PTCRA: variants seen among roughly 807,000 people sequenced by gnomAD.
PTCRA encodes pre T cell antigen receptor alpha, also known as pre T-cell antigen receptor alpha.
PTCRA carries 9 observed loss-of-function variants against 13.4 expected under a neutral mutation model. The ratio of observed to expected loss-of-function variants is 0.67; its 90% CI spans 0.41 to 1.18. PTCRA has a LOEUF of 1.18. PTCRA is among the 50% of genes most tolerant of loss of function. The probability of loss-of-function intolerance (pLI) is 0.01; values close to 1 mark genes in which losing one functional copy is unlikely to be tolerated. For missense variants in PTCRA, 353 were observed against 359.8 expected (o/e 0.98, Z 0.15); for synonymous variants, 153 against 161.9 (o/e 0.94, Z 0.42).
chr6:42,923,447 A>C (rs1410316637), intron 2 of PTCRA, 100 bp downstream of exon 2: 1 of 1,151,136 alleles, frequency 8.7e-7, no homozygotes, highest in Admixed American at 2.1e-5. Context: ...AAAGGCATGA[A>C]GGGTGTCCAA....
chr6:42,920,048 A>T (rs113086347), intron 1 of PTCRA, among the ~76,000 whole-genome samples: 1 of 148,668 alleles, frequency 6.7e-6, no homozygotes, highest in South Asian at 2.1e-4. Flanking sequence ...AGGCCGGGTG[A>T]GGTGGCTCAC....
At chr6:42,920,423 CTTTT>C (rs1259548720) in intron 1 of PTCRA, among the ~76,000 whole-genome samples, 6 of 151,614 alleles carry the variant, frequency 4.0e-5, no homozygotes, top group Admixed American at 6.6e-5. Context: ...TTAGTTCTTT[CTTTT>C]ATTTTTATTT....
At chr6:42,916,275 G>A in intron 1 of PTCRA, 148 bp downstream of exon 1, 4 of 722,824 alleles carry the variant, frequency 5.5e-6, no homozygotes, top group South Asian at 5.5e-5. Flanking sequence ...CTCTGGGGAG[G>A]GGACCTCTGG....
intron 1 of PTCRA, among the ~76,000 whole-genome samples, chr6:42,917,271 G>A (rs889023322): frequency 6.7e-6 from 1 of 148,380 alleles, no homozygotes; most frequent in African/African-American, 2.4e-5. Context: ...CGCCCGGGCT[G>A]GAGTACAATG....
chr6:42,916,591 C>T (rs1291240563), intron 1 of PTCRA, among the ~76,000 whole-genome samples: 1 of 152,152 alleles, frequency 6.6e-6, no homozygotes, highest in Admixed American at 6.5e-5. Flanking sequence ...CTCAGGGTGT[C>T]TCAAGTTCAC....
intron 1 of PTCRA, among the ~76,000 whole-genome samples, chr6:42,920,042 C>T (rs991695369): frequency 9.6e-5 from 14 of 145,554 alleles, no homozygotes; most frequent in South Asian, 2.2e-4. Flanking sequence ...AATAATAGGC[C>T]GGGTGAGGTG....
At chr6:42,923,372 C>A (rs371453144) in intron 2 of PTCRA, 25 bp downstream of exon 2, 1 of 1,603,380 alleles carries the variant, frequency 6.2e-7, no homozygotes, top group Non-Finnish European at 8.5e-7. Context: ...TGGGCCCTTG[C>A]GGATGCTCCC....
At chr6:42,921,928 G>A (rs1767188703) in intron 1 of PTCRA, among the ~76,000 whole-genome samples, 1 of 151,698 alleles carries the variant, frequency 6.6e-6, no homozygotes, top group Non-Finnish European at 1.5e-5. Context: ...GGGAGGCTGA[G>A]GCAGAAGAAT....
intron 1 of PTCRA, among the ~76,000 whole-genome samples, chr6:42,920,177 A>T (rs1241175642): frequency 2.6e-5 from 4 of 151,472 alleles, no homozygotes; most frequent in Admixed American, 2.0e-4. Flanking sequence ...ACAATTAGCC[A>T]GGCGTGTTGG....
chr6:42,916,764 G>C (rs1766893767), intron 1 of PTCRA, among the ~76,000 whole-genome samples: 1 of 152,178 alleles, frequency 6.6e-6, no homozygotes, highest in Non-Finnish European at 1.5e-5. Context: ...GCATGTACGT[G>C]GTGGGGGAAG....
rs1554290063 is a variant in PTCRA at position 42,924,261 on chromosome 6, G to T, written c.412G>T (p.Glu138Ter). The change falls in exon 3 of 4, where the codon GAG (glutamate) becomes TAG (stop). Residue 138 changes from glutamate to a stop codon, truncating the protein, a stop_gained. Coordinates refer to ENST00000304672, the MANE Select transcript of PTCRA (RefSeq NM_138296.3). LOFTEE classifies it low-confidence loss of function (END_TRUNC). ...EASTARTCPQ[E>*]PLRGTPGGAL... ...TTCTACAGCCAGGACCTGCCCCCAGGAGCCTCTCAGGGGTGAGTACTCCGG... is the reference window on the plus strand; with the variant it reads ...TTCTACAGCCAGGACCTGCCCCCAGTAGCCTCTCAGGGGTGAGTACTCCGG... 1 of 1,612,170 alleles carries T rather than the reference G, an allele frequency of 6.2e-7. No homozygotes were observed. The highest frequency in any genetic ancestry group is 8.5e-7 in the Non-Finnish European group (1 of 1,179,328).
At chr6:42,921,412 C>CTT (rs59029514) in intron 1 of PTCRA, among the ~76,000 whole-genome samples, 47 of 85,642 alleles carry the variant, frequency 5.5e-4, no homozygotes, top group Non-Finnish European at 7.0e-4. Flanking sequence ...AACAAAGCTT[C>CTT]TTTTTTTTTT....
intron 1 of PTCRA, among the ~76,000 whole-genome samples, chr6:42,918,557 AAAT>A (rs997240610): frequency 1.3e-5 from 2 of 151,522 alleles, no homozygotes; most frequent in Non-Finnish European, 1.5e-5. Flanking sequence ...TCCATCTCAA[AAAT>A]AATAATAATA....
Position 42,925,449 on chromosome 6 carries a change from C to A in PTCRA, c.613C>A (p.Arg205=). 6.4e-7 allele frequency: 1 copy of A among 1,555,366 alleles called. No individual in the cohort carries two copies. Among genetic ancestry groups the A allele is most frequent in the Non-Finnish European group, 8.7e-7 (1 of 1,148,974 alleles). ...GCACCCGGCCACGGAGACTGGGGGA[C>A]GAGAGGCCACCAGCTCACCCAGACC... ...RLHPATETGG[R]EATSSPRPQP... The change falls in exon 4 of 4, where the codon CGA becomes AGA. Residue 205 remains arginine, a synonymous_variant. Coordinates refer to ENST00000304672, the MANE Select transcript of PTCRA (RefSeq NM_138296.3). The surrounding 1 kb of genome is among the most constrained non-coding windows in gnomAD (Gnocchi z 4.4).
intron 1 of PTCRA, among the ~76,000 whole-genome samples, 181 bp downstream of exon 1, chr6:42,916,308 TCCCCA>T (rs1297918224): frequency 3.3e-5 from 5 of 150,474 alleles, no homozygotes; most frequent in Non-Finnish European, 4.4e-5. Flanking sequence ...ATATAGAGGG[TCCCCA>T]CTATACTCTT....
chr6:42,917,315 C>T (rs1190004810), intron 1 of PTCRA, among the ~76,000 whole-genome samples: 4 of 148,666 alleles, frequency 2.7e-5, no homozygotes, highest in Admixed American at 6.7e-5. Context: ...CTCCACCTCC[C>T]GGGTTCACTT....
intron 1 of PTCRA, among the ~76,000 whole-genome samples, chr6:42,919,515 A>C (rs958926069): frequency 4.0e-5 from 6 of 151,714 alleles, no homozygotes; most frequent in African/African-American, 4.8e-5. Context: ...GAAGTTCAAG[A>C]CCAGCTAGGA....
At chr6:42,917,842 G>A (rs1311530344) in intron 1 of PTCRA, among the ~76,000 whole-genome samples, 1 of 151,792 alleles carries the variant, frequency 6.6e-6, no homozygotes, top group Non-Finnish European at 1.5e-5. Context: ...AAGCCACTGA[G>A]CCCGGCCTAA....
At chr6:42,920,556 A>G (rs1442982737) in intron 1 of PTCRA, among the ~76,000 whole-genome samples, 1 of 148,598 alleles carries the variant, frequency 6.7e-6, no homozygotes. Context: ...TCCCGAGTAA[A>G]TGGGACTACA....
Sources: allele counts gnomAD v4.1 joint callset (sites outside exome capture counted in the v4.1 genomes callset), GRCh38; gene constraint gnomAD v4.1.1; non-coding constraint Gnocchi (gnomAD v3.1); transcripts MANE v1.5; gene names NCBI Gene and HGNC (gene_info 2026-07-23, HGNC 2026-07-21).